The following ULK4 variants were observed in gnomAD, a reference collection of about 807,000 sequenced individuals.
ULK4 encodes the protein unc-51 like kinase 4.
ULK4 carries 133 observed loss-of-function variants against 160.6 expected under a neutral mutation model. The observed-to-expected ratio is 0.83, with a 90% confidence interval of 0.72 to 0.96. ULK4 has a LOEUF of 0.96. Ranked by LOEUF, ULK4 falls within the 40% of genes least tolerant of loss-of-function variation. The pLI is 0.00. For missense variants in ULK4, 1,580 were observed against 1,499.5 expected (o/e 1.05, Z -0.89); for synonymous variants, 534 against 539.8 (o/e 0.99, Z 0.15).
rs1005810388 is a variant in ULK4, at chr3:41,422,142, C to T, written c.3493-23878G>A. Among the ~76,000 whole-genome samples the T allele has an allele frequency of 1.8e-4, 27 of 152,050 alleles. 1 individual carries two copies. The highest frequency in any genetic ancestry group is 1.7e-3 in the Admixed American group (26 of 15,270). On this transcript the variant is annotated intron_variant, in intron 34 of 36. Coordinates refer to ENST00000301831, the MANE Select transcript of ULK4 (RefSeq NM_017886.4). ...ATTATATTCTGTGTCATAAATAGTC[C>T]TTGAAAGTGTTATTTCTAATAAAGA...
At chr3:41,380,385 AG>A (rs1160130451) in intron 35 of ULK4, among the ~76,000 whole-genome samples, 1 of 152,166 alleles carries the variant, frequency 6.6e-6, no homozygotes, top group Admixed American at 6.5e-5. Context: ...CATACAAGAA[AG>A]TTTAGAATCA....
At chr3:41,839,760 C>T (rs931096584) in intron 17 of ULK4, among the ~76,000 whole-genome samples, 8 of 151,968 alleles carry the variant, frequency 5.3e-5, no homozygotes, top group African/African-American at 1.7e-4. Flanking sequence ...TGTTAACATT[C>T]AAAATACAAC....
At chr3:41,850,802 CTTTAG>C (rs1404243169) in intron 17 of ULK4, among the ~76,000 whole-genome samples, 3 of 152,142 alleles carry the variant, frequency 2.0e-5, no homozygotes, top group African/African-American at 4.8e-5. Flanking sequence ...TGCAGAAGCT[CTTTAG>C]TTTAATTAGA....
rs201425733 is a variant in ULK4 at position 41,901,172 on chromosome 3, C to CT, written c.1183-344dup. ...TGGTTTTTCCATAACAGCATGGCTT[C>CT]TTTTTTTTTTTTTTTTTTTTTTTTT... On this transcript the variant is annotated intron_variant, in intron 12 of 36. Transcript: ENST00000301831. 6.1e-3 allele frequency among the ~76,000 whole-genome samples: 727 copies of CT among 119,696 alleles called. 16 individuals are homozygous for CT. In the East Asian group the frequency reaches 0.067, roughly 11 times the overall value. The allele number at this position is 119,696 out of a possible 152,430, so 78.5% of individuals were successfully genotyped here. A position where few individuals can be genotyped will look rare whatever the true frequency, so the allele number is the denominator to read the frequency against.
chr3:41,521,818 G>C (rs910453117), intron 32 of ULK4, among the ~76,000 whole-genome samples: 1 of 152,160 alleles, frequency 6.6e-6, no homozygotes, highest in Admixed American at 6.5e-5. Context: ...GGGAGATTAA[G>C]ACCCAAAAGA....
intron 26 of ULK4, 50 bp downstream of exon 26, chr3:41,705,204 A>G (rs769371197): frequency 1.9e-6 from 3 of 1,609,966 alleles, no homozygotes; most frequent in East Asian, 4.5e-5. Context: ...CTAAATCATA[A>G]TATCAAAGTA....
intron 25 of ULK4, among the ~76,000 whole-genome samples, chr3:41,706,549 CAA>C (rs2036894462): frequency 6.6e-6 from 1 of 150,838 alleles, no homozygotes; most frequent in African/African-American, 2.4e-5. Context: ...TAACATAGGC[CAA>C]GCGCAGTGGC....
chr3:41,279,171 C>T (rs545789478), intron 35 of ULK4, among the ~76,000 whole-genome samples: 4 of 146,018 alleles, frequency 2.7e-5, no homozygotes, highest in Non-Finnish European at 4.5e-5. Flanking sequence ...ATAGCCAATT[C>T]GATCAAGTGG....
intron 21 of ULK4, among the ~76,000 whole-genome samples, chr3:41,756,263 T>C (rs1160708571): frequency 6.6e-6 from 1 of 152,202 alleles, no homozygotes; most frequent in Non-Finnish European, 1.5e-5. Context: ...CACCATTATA[T>C]CTTTCCTGAA....
chr3:41,732,518 G>A (rs2037867925), intron 22 of ULK4, among the ~76,000 whole-genome samples: 1 of 152,118 alleles, frequency 6.6e-6, no homozygotes, highest in Admixed American at 6.5e-5. Context: ...TATACTGTTA[G>A]AGGGAAGGTA....
At chr3:41,865,271 TAAAAAAAAAAAAA>T (rs55741060) in intron 17 of ULK4, among the ~76,000 whole-genome samples, 7 of 29,896 alleles carry the variant, frequency 2.3e-4, no homozygotes, top group East Asian at 1.5e-3. Context: ...ACTCTGTCTT[TAAAAAAAAAAAAA>T]AAAAAAAAAA....
intron 32 of ULK4, among the ~76,000 whole-genome samples, chr3:41,526,584 A>C (rs536040076): frequency 1.3e-5 from 2 of 152,328 alleles, no homozygotes; most frequent in South Asian, 4.1e-4. Flanking sequence ...AATTCTGAAG[A>C]GTTATCACCA....
rs191170187 is a variant in ULK4 at position 41,287,057 on chromosome 3, C to T, written c.3679-37483G>A. Among the ~76,000 whole-genome samples, 48 of 152,318 alleles carry T rather than the reference C, an allele frequency of 3.2e-4. 1 individual carries two copies. The highest frequency in any genetic ancestry group is 1.1e-3 in the African/African-American group (47 of 41,574). ...TTTGACAGAGAGGTGACGCAGAAGG[C>T]TGTGAAAGATGCCTGTCAGCAATCC... On this transcript the variant is annotated intron_variant, in intron 35 of 36. Coordinates refer to ENST00000301831, the MANE Select transcript of ULK4 (RefSeq NM_017886.4).
intron 35 of ULK4, among the ~76,000 whole-genome samples, chr3:41,385,036 A>G (rs1216298350): frequency 6.6e-6 from 1 of 152,102 alleles, no homozygotes; most frequent in Non-Finnish European, 1.5e-5. Context: ...CCTGAACAAC[A>G]GAGAGACCTT....
rs1559645040 is a variant in ULK4, at chr3:41,911,599, C to CT, written c.956dup (p.Ser320GlufsTer2). 1 of 1,614,048 alleles carries CT rather than the reference C, an allele frequency of 6.2e-7. No homozygotes were observed. The highest frequency in any genetic ancestry group is 1.7e-5 in the Admixed American group (1 of 60,024). On this transcript the variant is annotated frameshift_variant, in exon 10 of 37. Coordinates refer to ENST00000301831, the MANE Select transcript of ULK4 (RefSeq NM_017886.4). LOFTEE classifies it high-confidence loss of function. Reference sequence around the variant, plus strand: ...TCTTGTGCCCTTTTGCTTGTCTACTCTGAGAGTTCTGCAAAAGCTCCTTGG... The same window carrying CT: ...TCTTGTGCCCTTTTGCTTGTCTACTCTTGAGAGTTCTGCAAAAGCTCCTTGG...
chr3:41,465,398 C>T (rs2083805900), intron 32 of ULK4, among the ~76,000 whole-genome samples: 1 of 152,128 alleles, frequency 6.6e-6, no homozygotes, highest in Non-Finnish European at 1.5e-5. Context: ...CAGATAAAGA[C>T]TCGTTTTTAA....
intron 1 of ULK4, 60 bp from the exon 2 acceptor site, chr3:41,954,867 T>C: frequency 9.0e-7 from 1 of 1,106,500 alleles, no homozygotes; most frequent in South Asian, 1.7e-5. Context: ...TTAATTAGCC[T>C]AGGATAATTA....
intron 11 of ULK4, among the ~76,000 whole-genome samples, chr3:41,909,934 T>C (rs890504320): frequency 6.6e-5 from 10 of 152,238 alleles, no homozygotes; most frequent in Non-Finnish European, 1.2e-4. Flanking sequence ...TTCGCTCTTG[T>C]CCCCCAGGCT....
chr3:41,942,188 T>C (rs1440701858), intron 2 of ULK4, among the ~76,000 whole-genome samples: 2 of 152,204 alleles, frequency 1.3e-5, no homozygotes, highest in Non-Finnish European at 2.9e-5. Context: ...CACAGTATTC[T>C]GAAGACTTCA....
Sources: gnomAD v4.1 joint callset for allele counts (sites outside exome capture counted in the v4.1 genomes callset) on GRCh38, gnomAD v4.1.1 for gene constraint, MANE v1.5 for transcripts, NCBI Gene and HGNC (gene_info 2026-07-23, HGNC 2026-07-21) for gene names.